Variants in MED12L observed in about 807,000 individuals in gnomAD.
MED12L encodes mediator complex subunit 12L, also known as mediator of RNA polymerase II transcription subunit 12-like protein.
MED12L carries 60 observed loss-of-function variants against 281.3 expected under a neutral mutation model. The ratio of observed to expected loss-of-function variants is 0.21; its 90% CI spans 0.17 to 0.26. MED12L has a LOEUF of 0.26. Among genes scored for constraint, MED12L ranks in the 10% least tolerant of loss-of-function variants. The pLI, the probability that MED12L is intolerant of heterozygous loss-of-function variation, is 1.00. For synonymous variants in MED12L, 974 were observed against 987.2 expected (o/e 0.99, Z 0.25); for missense variants, 2,146 against 2,680.9 (o/e 0.80, Z 4.41).
rs1209106669 is a variant in MED12L at position 151,295,674 on chromosome 3, TTTAATCA to T, written c.2251-54380_2251-54374del. ...CTTCCCTTGCCTCAGTTTTAAGCTG[TTTAATCA>T]TTAAGAATTAAGAAGCTGTAAAACT... On this transcript the variant is annotated intron_variant, in intron 16 of 44. Transcript: ENST00000687756. 3.3e-5 allele frequency among the ~76,000 whole-genome samples: 5 copies of T among 152,218 alleles called. No homozygotes were observed. The East Asian group carries it at 5.8e-4, about 18-fold the overall frequency.
chr3:151,425,841 G>A (rs932366433), intron 43 of MED12L: 6 of 431,992 alleles, frequency 1.4e-5, no homozygotes, highest in Admixed American at 4.8e-5. Flanking sequence ...CTTTAAATGC[G>A]TGAGGGAATG....
intron 13 of MED12L, 146 bp from the exon 14 acceptor site, chr3:151,190,571 G>A (rs1414381039): frequency 2.8e-6 from 2 of 710,894 alleles, no homozygotes; most frequent in Admixed American, 5.3e-5. Flanking sequence ...TGCCCAAAAT[G>A]CTAGTGCCTC....
At chr3:151,225,491 A>AATACC in intron 16 of MED12L, among the ~76,000 whole-genome samples, 1 of 152,246 alleles carries the variant, frequency 6.6e-6, no homozygotes, top group African/African-American at 2.4e-5. Flanking sequence ...AATACCATTA[A>AATACC]TTTGCTCACG....
chr3:151,169,962 G>A (rs1239549575), intron 11 of MED12L, among the ~76,000 whole-genome samples: 1 of 152,166 alleles, frequency 6.6e-6, no homozygotes, highest in Non-Finnish European at 1.5e-5. Flanking sequence ...CACCCTCCTT[G>A]ATTCCTTAAT....
intron 15 of MED12L, 73 bp downstream of exon 15, chr3:151,192,727 C>G (rs1460625122): frequency 2.2e-6 from 2 of 923,646 alleles, no homozygotes; most frequent in East Asian, 2.6e-5. Flanking sequence ...CTCGATCCTT[C>G]TGTGTTCTCA....
At chr3:151,143,952 A>G (rs1228746491) in intron 5 of MED12L, among the ~76,000 whole-genome samples, 2 of 152,240 alleles carry the variant, frequency 1.3e-5, no homozygotes, top group Non-Finnish European at 2.9e-5. Context: ...ACCAAAGCCA[A>G]GGCTGTTGCT....
chr3:151,413,169 T>C lies in MED12L; in HGVS notation c.6171T>C (p.Pro2057=), dbSNP rs1238542342. The C allele has an allele frequency of 6.2e-7, 1 of 1,614,120 alleles. No individual in the cohort carries two copies. Among genetic ancestry groups the C allele is most frequent in the East Asian group, 2.2e-5 (1 of 44,884 alleles). Residue 2057 remains proline, a synonymous_variant, in exon 42 of 45, where the codon CCT becomes CCC. Transcript: ENST00000687756. ...RLNHQALQQS[P]LVGGGIDAVL... Reference sequence around the variant, plus strand: ...ACCATCAGGCTCTACAGCAGAGCCCTCTGGTGGGCGGGGGAATTGATGCTG... The same window carrying C: ...ACCATCAGGCTCTACAGCAGAGCCCCCTGGTGGGCGGGGGAATTGATGCTG...
chr3:151,364,066 A>G (rs1754975177), intron 21 of MED12L, among the ~76,000 whole-genome samples: 1 of 152,164 alleles, frequency 6.6e-6, no homozygotes, highest in Non-Finnish European at 1.5e-5. Context: ...AACTTAATCT[A>G]TAAAACAGAC....
chr3:151,294,476 A>G, intron 16 of MED12L: 2 of 1,614,190 alleles, frequency 1.2e-6, no homozygotes, highest in South Asian at 1.1e-5. Flanking sequence ...CACAGCCACA[A>G]CAACCCTGAT....
chr3:151,376,191 C>G lies in MED12L; in HGVS notation c.4030C>G (p.Gln1344Glu), dbSNP rs144615606. The change falls in exon 28 of 45, where the codon CAG becomes GAG. Residue 1344 changes from glutamine to glutamate, a missense_variant. Coordinates refer to ENST00000687756, the MANE Select transcript of MED12L (RefSeq NM_001393769.1). ...TACCGAGGGGGACAATCTGCAAAGA[C>G]AGCACATTAAGCGTATTCTTCAGGT... ...ECTEGDNLQR[Q>E]HIKRILQNLE... 13 of 1,593,630 alleles carry G rather than the reference C, an allele frequency of 8.2e-6. No individual in the cohort carries two copies. Among genetic ancestry groups the G allele is most frequent in the Non-Finnish European group, 9.4e-6 (11 of 1,171,828 alleles).
Position 151,343,611 on chromosome 3 carries a change from C to A in MED12L, c.2251-6448C>A, listed in dbSNP as rs1752151275. 2.0e-5 allele frequency among the ~76,000 whole-genome samples: 3 copies of A among 149,270 alleles called. No individual in the cohort carries two copies. In the South Asian group the frequency reaches 6.2e-4, roughly 31 times the overall value. ...GCAAGTTATAGATACTTTAATCTCT[C>A]ATTAGTAAATAACATCAACACATAC... On this transcript the variant is annotated intron_variant, in intron 16 of 44. Coordinates refer to ENST00000687756, the MANE Select transcript of MED12L (RefSeq NM_001393769.1).
At chr3:151,164,635 G>A (rs1225932599) in intron 9 of MED12L, among the ~76,000 whole-genome samples, 1 of 152,188 alleles carries the variant, frequency 6.6e-6, no homozygotes, top group Admixed American at 6.5e-5. Flanking sequence ...TTAAGAAAAT[G>A]TGGCACATAT....
intron 16 of MED12L, among the ~76,000 whole-genome samples, chr3:151,339,866 T>C (rs886878558): frequency 6.6e-6 from 1 of 152,194 alleles, no homozygotes; most frequent in African/African-American, 2.4e-5. Flanking sequence ...TTGTAATCTT[T>C]TTATTTCACC....
chr3:151,309,628 C>T (rs1044602279), intron 16 of MED12L, among the ~76,000 whole-genome samples: 2 of 152,210 alleles, frequency 1.3e-5, no homozygotes, highest in Non-Finnish European at 2.9e-5. Context: ...CTTCTCAGAG[C>T]TTTCCATGTT....
intron 43 of MED12L, among the ~76,000 whole-genome samples, chr3:151,425,970 G>C (rs1577625512): frequency 6.6e-6 from 1 of 152,138 alleles, no homozygotes; most frequent in Admixed American, 6.5e-5. Context: ...AGGCACAGAG[G>C]GGAGAGATCA....
At position 151,199,292 on chromosome 3, in the gene MED12L, C is replaced by G. The variant is rs960856320; in HGVS notation, c.2250+5626C>G. The G allele has an allele frequency of 2.5e-6, 4 of 1,613,800 alleles. No individual in the cohort carries two copies. In the African/African-American group the frequency reaches 4.0e-5, roughly 16 times the overall value. ...TATAAAAGCCCAGGTTGCAAAACAACTTCCAATAATTCCAACAAGGAAAAC... is the reference window on the plus strand; with the variant it reads ...TATAAAAGCCCAGGTTGCAAAACAAGTTCCAATAATTCCAACAAGGAAAAC... On this transcript the variant is annotated intron_variant, in intron 16 of 44. Coordinates refer to ENST00000687756, the MANE Select transcript of MED12L (RefSeq NM_001393769.1).
At chr3:151,161,713 A>G (rs1157549092) in intron 8 of MED12L, among the ~76,000 whole-genome samples, 2 of 152,234 alleles carry the variant, frequency 1.3e-5, no homozygotes, top group Non-Finnish European at 2.9e-5. Flanking sequence ...AACATCAATA[A>G]TGCATAGATT....
At chr3:151,347,670 G>C (rs1752696784) in intron 16 of MED12L, among the ~76,000 whole-genome samples, 1 of 152,166 alleles carries the variant, frequency 6.6e-6, no homozygotes, top group Non-Finnish European at 1.5e-5. Context: ...GAGTAAGGCA[G>C]TTCGGTGTGG....
At chr3:151,401,166 C>T (rs1224809908) in intron 39 of MED12L, among the ~76,000 whole-genome samples, 1 of 151,884 alleles carries the variant, frequency 6.6e-6, no homozygotes, top group African/African-American at 2.4e-5. Context: ...ATTATTTCTA[C>T]TTTATGTAGT....
Sources: allele counts gnomAD v4.1 joint callset (sites outside exome capture counted in the v4.1 genomes callset), GRCh38; gene constraint gnomAD v4.1.1; transcripts MANE v1.5; gene names NCBI Gene and HGNC (gene_info 2026-07-23, HGNC 2026-07-21).